The following TDRD9 variants were observed in gnomAD, a reference collection of about 807,000 sequenced individuals.
The protein encoded by TDRD9 is ATP-dependent RNA helicase TDRD9.
A neutral mutation model predicts 172.6 loss-of-function variants in TDRD9; 124 were observed. The ratio of observed to expected loss-of-function variants is 0.72; its 90% CI spans 0.62 to 0.83. The LOEUF is 0.83. Among genes scored for constraint, TDRD9 ranks in the 40% least tolerant of loss-of-function variants. TDRD9 has a pLI of 0.00. For missense variants in TDRD9, 1,479 were observed against 1,714.1 expected, an observed-to-expected ratio of 0.86 and a Z score of 2.42; for synonymous variants, 619 against 617.1, an observed-to-expected ratio of 1.00 and a Z score of -0.05.
At chr14:103,994,696 C>T (rs920213240) in intron 11 of TDRD9, 93 bp downstream of exon 11, 20 of 1,021,364 alleles carry the variant, frequency 2.0e-5, no homozygotes, top group Admixed American at 6.5e-5. Flanking sequence ...TGTCGTGGCT[C>T]ATGCGTGTGT....
At chr14:104,028,467 T>G (rs573584610) in intron 28 of TDRD9, among the ~76,000 whole-genome samples, 132 of 152,324 alleles carry the variant, frequency 8.7e-4, no homozygotes, top group African/African-American at 3.0e-3. Flanking sequence ...TTTCATATAT[T>G]TGTTGGTTAT....
intron 32 of TDRD9, 117 bp downstream of exon 32, chr14:104,035,173 CG>C (rs1162516290): frequency 4.2e-6 from 3 of 714,692 alleles, no homozygotes; most frequent in Non-Finnish European, 7.0e-6. Context: ...AGCCATGGCA[CG>C]TCTCGCTGCT....
At position 104,018,094 on chromosome 14, in the gene TDRD9, G is replaced by A; in HGVS notation, c.2334G>A (p.Leu778=). 4.4e-6 allele frequency: 7 copies of A among 1,576,842 alleles called. No homozygotes were observed. Among genetic ancestry groups the A allele is most frequent in the Non-Finnish European group, 6.1e-6 (7 of 1,150,138 alleles). ...AGKDPKTTVV[L]KHIPPYGFLY... is the part of the protein sequence containing the mutation. ...TGATTTTGTGTTATATTTTACAGTT[G>A]AAACACATTCCTCCCTATGGATTTC... Residue 778 remains leucine (L), a splice_region_variant and synonymous_variant, in exon 23 of 36, where the codon TTG becomes TTA. Coordinates refer to ENST00000409874, the MANE Select transcript of TDRD9 (RefSeq NM_153046.3).
intron 9 of TDRD9, among the ~76,000 whole-genome samples, chr14:103,993,849 G>A (rs1595959366): frequency 6.6e-6 from 1 of 152,326 alleles, no homozygotes; most frequent in African/African-American, 2.4e-5. Context: ...AGGGGACACA[G>A]TTCAACCCAT....
intron 24 of TDRD9, 27 bp downstream of exon 24, chr14:104,022,357 A>G: frequency 6.2e-7 from 1 of 1,600,574 alleles, no homozygotes; most frequent in South Asian, 1.1e-5. Flanking sequence ...GGTGGCAGAC[A>G]GGCCGTGCCT....
At chr14:103,999,388 A>T (rs775701513) in intron 13 of TDRD9, among the ~76,000 whole-genome samples, 5 of 152,186 alleles carry the variant, frequency 3.3e-5, no homozygotes, top group Non-Finnish European at 7.3e-5. Context: ...TTTAACTTTG[A>T]TCTTCCTAGG....
chr14:103,999,535 A>G (rs1309511784), intron 13 of TDRD9, among the ~76,000 whole-genome samples: 2 of 152,126 alleles, frequency 1.3e-5, no homozygotes, highest in African/African-American at 4.8e-5. Context: ...AGGTATATTC[A>G]TGACATACCT....
chr14:104,023,527 G>C (rs2035027259), intron 24 of TDRD9, among the ~76,000 whole-genome samples: 1 of 152,238 alleles, frequency 6.6e-6, no homozygotes, highest in Admixed American at 6.5e-5. Flanking sequence ...TGTAGGGCTG[G>C]TCAGCCCAGG....
intron 34 of TDRD9, among the ~76,000 whole-genome samples, chr14:104,043,116 T>C (rs1440993819): frequency 6.6e-6 from 1 of 152,076 alleles, no homozygotes; most frequent in Non-Finnish European, 1.5e-5. Context: ...CTCCAACTCC[T>C]TGGCACACAT....
At chr14:104,007,876 A>G (rs1322374189) in intron 19 of TDRD9, among the ~76,000 whole-genome samples, 1 of 151,766 alleles carries the variant, frequency 6.6e-6, no homozygotes, top group Non-Finnish European at 1.5e-5. Context: ...CTCCTGGGCT[A>G]ACACCATTCT....
chr14:103,993,831 G>A (rs2033960478), intron 9 of TDRD9, among the ~76,000 whole-genome samples: 1 of 152,142 alleles, frequency 6.6e-6, no homozygotes, highest in Non-Finnish European at 1.5e-5. Context: ...ACTTCAATAC[G>A]TCTTTTTAGG....
chr14:104,023,983 C>A (rs945950299), intron 24 of TDRD9, among the ~76,000 whole-genome samples: 1 of 152,084 alleles, frequency 6.6e-6, no homozygotes, highest in African/African-American at 2.4e-5. Context: ...TCTTATAATT[C>A]TTTCTCTTCA....
At chr14:103,930,385 C>T (rs1301264776) in intron 1 of TDRD9, among the ~76,000 whole-genome samples, 3 of 152,140 alleles carry the variant, frequency 2.0e-5, no homozygotes, top group Non-Finnish European at 4.4e-5. Context: ...CAGCATTTCA[C>T]CTTGTTGGCC....
chr14:103,932,768 G>C (rs2030484139), intron 1 of TDRD9, among the ~76,000 whole-genome samples: 1 of 152,154 alleles, frequency 6.6e-6, no homozygotes, highest in Non-Finnish European at 1.5e-5. Context: ...GGTAAAATTA[G>C]TGTACACCAA....
At position 103,965,333 on chromosome 14, in the gene TDRD9, G is replaced by T. The variant is rs1345400593; in HGVS notation, c.421G>T (p.Val141Phe). ...TTGAAAGAATTTTTTAAATTTCTAG[G>T]TTGTGTCTTTGATAGAAAGTAATTC... ...DLPISRYKEE[V>F]VSLIESNSVV... is the part of the protein sequence containing the mutation. The change falls in exon 4 of 36, where the codon GTT (valine) becomes TTT (phenylalanine). Residue 141 changes from valine to phenylalanine, a missense_variant and splice_region_variant. This residue lies in a region of TDRD9 where 1,413 missense variants were observed against 1,649.1 expected (regional missense o/e 0.86). Coordinates refer to ENST00000409874, the MANE Select transcript of TDRD9 (RefSeq NM_153046.3). 1 of 1,551,514 alleles carries T rather than the reference G, an allele frequency of 6.4e-7. No individual in the cohort carries two copies. The highest frequency in any genetic ancestry group is 8.7e-7 in the Non-Finnish European group (1 of 1,146,872).
At chr14:104,004,978 C>G (rs2034388159) in intron 14 of TDRD9, among the ~76,000 whole-genome samples, 1 of 151,754 alleles carries the variant, frequency 6.6e-6, no homozygotes, top group South Asian at 2.1e-4. Flanking sequence ...TGTCCTCCTT[C>G]TTTTTTTTCT....
At position 103,928,543 on chromosome 14, in the gene TDRD9, G is replaced by C. The variant is rs1425929637; in HGVS notation, c.34G>C (p.Asp12His). Residue 12 changes from aspartate (D) to histidine (H), a missense_variant, in exon 1 of 36, where the codon GAC becomes CAC. Asp to His is a moderately conservative substitution (Grantham distance 81). Transcript: ENST00000409874. ...LRKLTIEQIN[D>H]WFTIGKTVTN... ...GAAGCTCACCATCGAGCAGATCAAC[G>C]ACTGGTTCACCATCGGCAAGACGGT... The C allele has an allele frequency of 2.2e-6, 3 of 1,395,226 alleles. No homozygotes were observed. Among genetic ancestry groups the C allele is most frequent in the Non-Finnish European group, 2.8e-6 (3 of 1,062,488 alleles). The allele number at this position is 1,395,226 out of a possible 1,614,324, so 86.4% of individuals were successfully genotyped here.
chr14:104,018,950 A>G (rs1255140350), intron 23 of TDRD9, among the ~76,000 whole-genome samples: 2 of 152,168 alleles, frequency 1.3e-5, no homozygotes, highest in Admixed American at 6.5e-5. Flanking sequence ...TATGATTAAT[A>G]TATTGATTTT....
intron 5 of TDRD9, among the ~76,000 whole-genome samples, chr14:103,969,168 CTTTT>C (rs147613591): frequency 7.3e-6 from 1 of 137,652 alleles, no homozygotes; most frequent in African/African-American, 2.7e-5. Flanking sequence ...ATTCAATAAA[CTTTT>C]TTTTTTTTTT....
Sources: allele counts gnomAD v4.1 joint callset (sites outside exome capture counted in the v4.1 genomes callset), GRCh38; gene constraint gnomAD v4.1.1; regional missense constraint gnomAD v4.1.1; transcripts MANE v1.5; gene names NCBI Gene and HGNC (gene_info 2026-07-23, HGNC 2026-07-21).